Variants in HPGDS observed in about 807,000 individuals in gnomAD.
HPGDS encodes hematopoietic prostaglandin D synthase, also known as GST class-sigma.
Under a neutral mutation model 23.1 loss-of-function variants are expected in HPGDS, and 26 were observed. The ratio of observed to expected loss-of-function variants is 1.13; its 90% CI spans 0.83 to 1.56. The LOEUF (loss-of-function observed/expected upper bound fraction) is 1.56, where lower values mean the gene tolerates loss of function less well. HPGDS is among the 40% of genes most tolerant of loss of function. The pLI, the probability that HPGDS is intolerant of heterozygous loss-of-function variation, is 0.00. For synonymous variants in HPGDS, 95 were observed against 77.9 expected (o/e 1.22, Z -1.16); for missense variants, 268 against 236.4 (o/e 1.13, Z -0.88).
At chr4:94,314,071 G>A (rs55706382) in intron 3 of HPGDS, among the ~76,000 whole-genome samples, 445 of 152,134 alleles carry the variant, frequency 2.9e-3, no homozygotes, top group African/African-American at 0.01. Context: ...AAACTCCTTT[G>A]CCATGGGTTC....
chr4:94,318,844 C>A (rs1306468751), intron 2 of HPGDS, among the ~76,000 whole-genome samples: 1 of 152,024 alleles, frequency 6.6e-6, no homozygotes, highest in Non-Finnish European at 1.5e-5. Flanking sequence ...TCCTGAGTAG[C>A]CAGGACTACA....
chr4:94,316,710 T>G (rs116616030), intron 3 of HPGDS, among the ~76,000 whole-genome samples: 352 of 152,366 alleles, frequency 2.3e-3, no homozygotes, highest in African/African-American at 8.2e-3. Context: ...AGCCCAGAGA[T>G]TCTCAAAGTG....
chr4:94,309,525 A>G (rs1254825785), intron 3 of HPGDS, among the ~76,000 whole-genome samples: 2 of 152,012 alleles, frequency 1.3e-5, no homozygotes, highest in Non-Finnish European at 2.9e-5. Context: ...AATCCAGTCT[A>G]TCATTGTTGG....
chr4:94,326,610 C>T (rs376283718), intron 2 of HPGDS, among the ~76,000 whole-genome samples: 6 of 152,090 alleles, frequency 3.9e-5, no homozygotes, highest in African/African-American at 1.4e-4. Flanking sequence ...AGATCATTGT[C>T]TTCCTGATTT....
chr4:94,341,566 T>C (rs1339416021), intron 1 of HPGDS, among the ~76,000 whole-genome samples: 1 of 152,242 alleles, frequency 6.6e-6, no homozygotes, highest in Non-Finnish European at 1.5e-5. Flanking sequence ...TACAGTTCAA[T>C]ACAAAATGTT....
chr4:94,324,352 T>A (rs749873390), intron 2 of HPGDS, among the ~76,000 whole-genome samples: 1 of 152,204 alleles, frequency 6.6e-6, no homozygotes, highest in East Asian at 1.9e-4. Context: ...TACTGGAGTG[T>A]TTTCCAGCTT....
intron 1 of HPGDS, among the ~76,000 whole-genome samples, 176 bp downstream of exon 1, chr4:94,342,619 C>T (rs573682464): frequency 7.4e-4 from 113 of 152,306 alleles, no homozygotes; most frequent in African/African-American, 2.6e-3. Flanking sequence ...TTGAGTTTCA[C>T]ATATTCGCAT....
chr4:94,300,077 C>T (rs556829283), intron 5 of HPGDS, among the ~76,000 whole-genome samples: 28 of 152,318 alleles, frequency 1.8e-4, no homozygotes, highest in Non-Finnish European at 3.2e-4. Context: ...CTCTTCAAAG[C>T]AGTACCCTTT....
At chr4:94,340,811 A>ACCACGC (rs1361598004) in intron 1 of HPGDS, among the ~76,000 whole-genome samples, 2 of 127,998 alleles carry the variant, frequency 1.6e-5, no homozygotes, top group African/African-American at 3.1e-5. Context: ...GGCACCAACC[A>ACCACGC]CCACGCCCGG....
At chr4:94,329,842 G>A (rs886736313) in intron 2 of HPGDS, among the ~76,000 whole-genome samples, 1 of 152,208 alleles carries the variant, frequency 6.6e-6, no homozygotes, top group Non-Finnish European at 1.5e-5. Flanking sequence ...GTTGTTGGAG[G>A]TGTCAACAGA....
chr4:94,301,158 C>G (rs143367729), intron 5 of HPGDS, among the ~76,000 whole-genome samples: 236 of 152,198 alleles, frequency 1.6e-3, no homozygotes, highest in African/African-American at 5.3e-3. Flanking sequence ...CTGTATCACC[C>G]AGAAGGGCTG....
chr4:94,334,801 C>T (rs925347281), intron 1 of HPGDS, among the ~76,000 whole-genome samples, 163 bp from the exon 2 acceptor site: 10 of 152,046 alleles, frequency 6.6e-5, no homozygotes, highest in South Asian at 4.1e-4. Context: ...TAATTACATA[C>T]GGGGAAACTT....
At chr4:94,318,522 T>C (rs1426608314) in intron 2 of HPGDS, among the ~76,000 whole-genome samples, 1 of 152,182 alleles carries the variant, frequency 6.6e-6, no homozygotes, top group Non-Finnish European at 1.5e-5. Flanking sequence ...AATTTCCATA[T>C]ATTTGTATAG....
At chr4:94,342,582 T>A (rs992457896) in intron 1 of HPGDS, among the ~76,000 whole-genome samples, 1 of 152,198 alleles carries the variant, frequency 6.6e-6, no homozygotes, top group African/African-American at 2.4e-5. Flanking sequence ...AAATCTCCTG[T>A]ACCTATATTT....
intron 3 of HPGDS, among the ~76,000 whole-genome samples, chr4:94,317,603 A>G (rs370406300): frequency 5.3e-5 from 8 of 152,128 alleles, no homozygotes; most frequent in Admixed American, 5.2e-4. Flanking sequence ...TCCCTGTCCA[A>G]TTTTTCAGCT....
At chr4:94,333,238 G>A (rs1756764040) in intron 2 of HPGDS, among the ~76,000 whole-genome samples, 1 of 152,126 alleles carries the variant, frequency 6.6e-6, no homozygotes, top group Non-Finnish European at 1.5e-5. Flanking sequence ...TCTTCTTAGA[G>A]TAATAAAACT....
intron 3 of HPGDS, among the ~76,000 whole-genome samples, chr4:94,315,485 GT>G (rs918092409): frequency 9.2e-5 from 14 of 151,702 alleles, no homozygotes; most frequent in African/African-American, 1.5e-4. Flanking sequence ...ATAATAGAGG[GT>G]TTTTTTTCTT....
At chr4:94,334,178 A>G (rs1352757423) in intron 2 of HPGDS, 1 of 186,642 alleles carries the variant, frequency 5.4e-6, no homozygotes, top group Non-Finnish European at 1.1e-5. Flanking sequence ...AAAATTACCT[A>G]AACTCTGTGC....
chr4:94,315,242 G>T (rs1210830149), intron 3 of HPGDS, among the ~76,000 whole-genome samples: 4 of 152,164 alleles, frequency 2.6e-5, no homozygotes, highest in African/African-American at 9.6e-5. Context: ...CACGCTTCGA[G>T]CTGTAGACTG....
Sources: gnomAD v4.1 joint callset for allele counts (sites outside exome capture counted in the v4.1 genomes callset) on GRCh38, gnomAD v4.1.1 for gene constraint, MANE v1.5 for transcripts, NCBI Gene and HGNC (gene_info 2026-07-23, HGNC 2026-07-21) for gene names.